Variants in LMBRD1 observed in about 807,000 individuals in gnomAD.
LMBRD1 encodes the protein lysosomal cobalamin transport escort protein LMBD1.
A neutral mutation model predicts 74.8 loss-of-function variants in LMBRD1; 64 were observed. The observed-to-expected ratio is 0.86, with a 90% CI of 0.70 to 1.05. The LOEUF is 1.05. Among genes scored for constraint, LMBRD1 ranks in the 50% least tolerant of loss-of-function variants. The probability of loss-of-function intolerance (pLI) is 0.00; values close to 1 mark genes in which losing one functional copy is unlikely to be tolerated. For missense variants in LMBRD1, 652 were observed against 645.9 expected (o/e 1.01, Z -0.10); for synonymous variants, 204 against 216.3 (o/e 0.94, Z 0.50).
At chr6:69,715,277 T>C (rs565831103) in intron 8 of LMBRD1, among the ~76,000 whole-genome samples, 2 of 152,188 alleles carry the variant, frequency 1.3e-5, no homozygotes, top group Admixed American at 1.3e-4. Context: ...GGTAATTTTG[T>C]CTCAATGCTG....
intron 8 of LMBRD1, among the ~76,000 whole-genome samples, chr6:69,717,375 C>T (rs1361779178): frequency 2.6e-5 from 4 of 152,064 alleles, no homozygotes; most frequent in Non-Finnish European, 5.9e-5. Context: ...AACAAGGATA[C>T]TAACATTACT....
chr6:69,710,460 T>A (rs1013984770), intron 9 of LMBRD1, among the ~76,000 whole-genome samples: 1 of 152,036 alleles, frequency 6.6e-6, no homozygotes, highest in Non-Finnish European at 1.5e-5. Context: ...GACACAAAAA[T>A]ATGAACCAAA....
At chr6:69,796,203 G>A (rs1766223642) in intron 1 of LMBRD1, among the ~76,000 whole-genome samples, 1 of 150,130 alleles carries the variant, frequency 6.7e-6, no homozygotes, top group Admixed American at 6.6e-5. Context: ...TAATAAAGAG[G>A]GCTACAGCTC....
At chr6:69,759,594 A>T (rs574739655) in intron 3 of LMBRD1, among the ~76,000 whole-genome samples, 1 of 152,150 alleles carries the variant, frequency 6.6e-6, no homozygotes, top group South Asian at 2.1e-4. Context: ...ACAAACAAAA[A>T]AGCTTTATAT....
intron 14 of LMBRD1, among the ~76,000 whole-genome samples, chr6:69,696,748 T>A (rs1279785626): frequency 1.3e-5 from 2 of 152,156 alleles, no homozygotes; most frequent in African/African-American, 4.8e-5. Flanking sequence ...CCCTGTACCT[T>A]ATACTTGTTC....
chr6:69,755,375 G>A (rs1270999127), intron 3 of LMBRD1, among the ~76,000 whole-genome samples: 1 of 151,124 alleles, frequency 6.6e-6, no homozygotes, highest in Non-Finnish European at 1.5e-5. Context: ...AGTGGGAGTT[G>A]AACAGTGAGA....
At chr6:69,783,520 G>A (rs184951710) in intron 2 of LMBRD1, among the ~76,000 whole-genome samples, 2 of 152,036 alleles carry the variant, frequency 1.3e-5, no homozygotes, top group Admixed American at 6.6e-5. Flanking sequence ...GACCACAGGT[G>A]CATGCCACCA....
chr6:69,749,553 T>A (rs1466178132), intron 4 of LMBRD1, 145 bp from the exon 5 acceptor site: 1 of 684,272 alleles, frequency 1.5e-6, no homozygotes, highest in Non-Finnish European at 2.6e-6. Context: ...CCTTAAAATT[T>A]AAAGAAAACA....
intron 14 of LMBRD1, among the ~76,000 whole-genome samples, chr6:69,678,066 T>C (rs764545028): frequency 1.3e-5 from 2 of 152,240 alleles, no homozygotes; most frequent in Non-Finnish European, 2.9e-5. Context: ...CATATAACTT[T>C]TGACTTCTCC....
chr6:69,771,522 A>C (rs1344022370), intron 3 of LMBRD1, among the ~76,000 whole-genome samples: 1 of 152,134 alleles, frequency 6.6e-6, no homozygotes, highest in African/African-American at 2.4e-5. Context: ...TCCAGCACAC[A>C]CTCAAAAGGA....
chr6:69,777,602 T>A (rs1229567257), intron 3 of LMBRD1, among the ~76,000 whole-genome samples: 1 of 151,998 alleles, frequency 6.6e-6, no homozygotes, highest in Non-Finnish European at 1.5e-5. Context: ...AGAACTACTT[T>A]GGGCTATGCC....
chr6:69,738,106 C>T, intron 6 of LMBRD1, 91 bp from the exon 7 acceptor site: 1 of 918,698 alleles, frequency 1.1e-6, no homozygotes, highest in Non-Finnish European at 1.7e-6. Flanking sequence ...GAGCTGCTTA[C>T]ACATTTTGAA....
At chr6:69,729,868 T>A (rs1025503721) in intron 7 of LMBRD1, among the ~76,000 whole-genome samples, 1 of 152,040 alleles carries the variant, frequency 6.6e-6, no homozygotes, top group African/African-American at 2.4e-5. Context: ...ATTTAGATTA[T>A]GATAAGCTTG....
chr6:69,734,647 C>T (rs765222813), intron 7 of LMBRD1, among the ~76,000 whole-genome samples: 3 of 152,120 alleles, frequency 2.0e-5, no homozygotes, highest in African/African-American at 7.2e-5. Context: ...CCGCCCACCT[C>T]GGTCTCCGAA....
chr6:69,790,725 A>G (rs1766063030), intron 1 of LMBRD1: 1 of 472,886 alleles, frequency 2.1e-6, no homozygotes, highest in East Asian at 4.1e-5. Flanking sequence ...ATATTTCCTC[A>G]TTAAACACAG....
At chr6:69,722,651 G>A (rs60078953) in intron 7 of LMBRD1, among the ~76,000 whole-genome samples, 16,913 of 152,002 alleles carry the variant, frequency 0.11, 2,639 homozygotes, top group African/African-American at 0.35. Flanking sequence ...AATAGCATAC[G>A]CAAGCCTTGT....
chr6:69,678,655 C>T (rs1323289081), intron 14 of LMBRD1, among the ~76,000 whole-genome samples: 3 of 152,068 alleles, frequency 2.0e-5, no homozygotes, highest in African/African-American at 7.2e-5. Flanking sequence ...AAAGATCCTA[C>T]ATGCAATTAG....
chr6:69,721,099 T>C (rs1484193659), intron 7 of LMBRD1, among the ~76,000 whole-genome samples: 2 of 151,716 alleles, frequency 1.3e-5, no homozygotes. Flanking sequence ...GGAACTGGAG[T>C]TTCTCAGCAA....
Position 69,700,756 on chromosome 6 carries a change from T to C in LMBRD1, c.1188+9A>G. The stretch of plus-strand genomic sequence containing the variant: ...ATGAGAAAAAAATAATACTGTAATA[T>C]ATACTTACTCTAATCCAAAAGAACC... On this transcript the variant is annotated intron_variant, in intron 12 of 15. Transcript: ENST00000649934. The C allele has an allele frequency of 2.0e-6, 3 of 1,474,042 alleles. No individual in the cohort carries two copies. The highest frequency in any genetic ancestry group is 2.8e-6 in the Non-Finnish European group (3 of 1,087,958). The allele number at this position is 1,474,042 out of a possible 1,614,324, so 91.3% of individuals were successfully genotyped here.
Sources: gnomAD v4.1 joint callset for allele counts (sites outside exome capture counted in the v4.1 genomes callset) on GRCh38, gnomAD v4.1.1 for gene constraint, MANE v1.5 for transcripts, NCBI Gene and HGNC (gene_info 2026-07-23, HGNC 2026-07-21) for gene names.